The following TMTC2 variants were observed in gnomAD, a reference collection of about 807,000 sequenced individuals.
The protein encoded by TMTC2 is transmembrane O-mannosyltransferase targeting cadherins 2.
A neutral mutation model predicts 82.4 loss-of-function variants in TMTC2; 43 were observed. The ratio of observed to expected loss-of-function variants is 0.52; its 90% confidence interval spans 0.41 to 0.67. The LOEUF is 0.67. Ranked by LOEUF, TMTC2 falls within the 30% of genes least tolerant of loss-of-function variation. The probability of loss-of-function intolerance (pLI) is 0.00; values close to 1 mark genes in which losing one functional copy is unlikely to be tolerated. For synonymous variants in TMTC2, 408 were observed against 381.9 expected, an observed-to-expected ratio of 1.07 and a Z score of -0.80; for missense variants, 919 against 1,012.4, an observed-to-expected ratio of 0.91 and a Z score of 1.25.
At chr12:82,713,193 C>T (rs998761762) in intron 1 of TMTC2, among the ~76,000 whole-genome samples, 8 of 152,018 alleles carry the variant, frequency 5.3e-5, no homozygotes, top group East Asian at 3.9e-4. Context: ...TGGTGGCACA[C>T]GCCTGTAATC....
At position 82,844,598 on chromosome 12, in the gene TMTC2, G is replaced by A. The variant is rs183016999; in HGVS notation, c.84-12412G>A. Among the ~76,000 whole-genome samples, 256 of 151,438 alleles carry A rather than the reference G, an allele frequency of 1.7e-3. 1 individual carries two copies. Among genetic ancestry groups the A allele is most frequent in the African/African-American group, 6.0e-3 (249 of 41,310 alleles). Reference sequence around the variant, plus strand: ...GAGCAGATCACGAAGTCAGGAGATCGAGACCATCCTGGCTAACACAGAGGA... The same window carrying A: ...GAGCAGATCACGAAGTCAGGAGATCAAGACCATCCTGGCTAACACAGAGGA... On this transcript the variant is annotated intron_variant, in intron 1 of 11. Transcript: ENST00000321196.
chr12:83,050,823 G>A, intron 9 of TMTC2, 81 bp from the exon 10 acceptor site: 2 of 837,028 alleles, frequency 2.4e-6, no homozygotes, highest in Non-Finnish European at 1.9e-6. Flanking sequence ...CTTTACCACT[G>A]TACTTATTTT....
At chr12:82,939,994 T>C (rs909625772) in intron 4 of TMTC2, among the ~76,000 whole-genome samples, 3 of 151,332 alleles carry the variant, frequency 2.0e-5, no homozygotes, top group Non-Finnish European at 2.9e-5. Flanking sequence ...CAGATACATG[T>C]ATTTCTTTTT....
rs1157552312 is a variant in TMTC2, at chr12:82,859,576, A to T, written c.654+1996A>T. Among the ~76,000 whole-genome samples the T allele has an allele frequency of 5.3e-5, 8 of 152,222 alleles. 1 individual carries two copies. The highest frequency in any genetic ancestry group is 2.9e-5 in the Non-Finnish European group (2 of 68,044). On this transcript the variant is annotated intron_variant, in intron 2 of 11. Transcript: ENST00000321196. ...ATATTTGGGACATACTTATAATAGA[A>T]AATTAATCTTTGTTTCTCTGAAATT...
At chr12:82,958,516 G>A (rs540718463) in intron 4 of TMTC2, among the ~76,000 whole-genome samples, 1 of 152,130 alleles carries the variant, frequency 6.6e-6, no homozygotes, top group East Asian at 1.9e-4. Flanking sequence ...GGGATGCAAG[G>A]TTGGTTCAAC....
chr12:82,906,617 A>G (rs950970504), intron 3 of TMTC2, among the ~76,000 whole-genome samples: 1 of 152,130 alleles, frequency 6.6e-6, no homozygotes, highest in East Asian at 1.9e-4. Flanking sequence ...TGAACCCAGG[A>G]GGCGGAGGCT....
chr12:82,724,379 G>A (rs1049184242), intron 1 of TMTC2, among the ~76,000 whole-genome samples: 12 of 152,108 alleles, frequency 7.9e-5, no homozygotes, highest in Admixed American at 3.9e-4. Flanking sequence ...ATAACCCCCC[G>A]TGTTGAGGGA....
chr12:82,794,099 G>A (rs1038941606), intron 1 of TMTC2, among the ~76,000 whole-genome samples: 1 of 152,088 alleles, frequency 6.6e-6, no homozygotes, highest in East Asian at 1.9e-4. Context: ...TATTTGCCCA[G>A]GCTCTGTTGA....
intron 1 of TMTC2, among the ~76,000 whole-genome samples, chr12:82,847,370 C>T (rs149789992): frequency 3.2e-4 from 49 of 152,204 alleles, no homozygotes; most frequent in African/African-American, 1.0e-3. Flanking sequence ...TTTTCCAAAA[C>T]GGTAAATGCA....
At chr12:82,738,339 T>G (rs564084958) in intron 1 of TMTC2, among the ~76,000 whole-genome samples, 1 of 152,340 alleles carries the variant, frequency 6.6e-6, no homozygotes, top group South Asian at 2.1e-4. Context: ...AGCTACTTGA[T>G]CAGACCTCTT....
At chr12:82,734,931 G>A (rs1875007864) in intron 1 of TMTC2, among the ~76,000 whole-genome samples, 1 of 152,146 alleles carries the variant, frequency 6.6e-6, no homozygotes, top group African/African-American at 2.4e-5. Context: ...ATAATGAAAG[G>A]GTCTAACAAA....
chr12:82,846,248 C>T (rs533095119), intron 1 of TMTC2, among the ~76,000 whole-genome samples: 1 of 152,120 alleles, frequency 6.6e-6, no homozygotes, highest in South Asian at 2.1e-4. Flanking sequence ...GTCCCAGCTA[C>T]TTGGGAGGCT....
intron 1 of TMTC2, among the ~76,000 whole-genome samples, chr12:82,724,605 C>T (rs1874362168): frequency 6.6e-6 from 1 of 152,110 alleles, no homozygotes; most frequent in Admixed American, 6.5e-5. Flanking sequence ...AACTGTGAGT[C>T]AATTAAACTT....
chr12:82,772,328 G>A (rs1877353086), intron 1 of TMTC2, among the ~76,000 whole-genome samples: 1 of 152,192 alleles, frequency 6.6e-6, no homozygotes, highest in African/African-American at 2.4e-5. Context: ...TGCAGGATCT[G>A]GGACTGCTTT....
At chr12:83,105,452 G>A (rs973812403) in intron 11 of TMTC2, among the ~76,000 whole-genome samples, 39 of 152,272 alleles carry the variant, frequency 2.6e-4, no homozygotes, top group Middle Eastern at 3.4e-3. Context: ...GCATGGTGCC[G>A]GCATCTGCTC....
chr12:83,005,583 C>A (rs558315309), intron 8 of TMTC2, among the ~76,000 whole-genome samples: 2 of 152,300 alleles, frequency 1.3e-5, no homozygotes, highest in Admixed American at 1.3e-4. Flanking sequence ...AACCACAAAT[C>A]TCAGCTCTGC....
intron 1 of TMTC2, among the ~76,000 whole-genome samples, chr12:82,791,236 A>G (rs564226021): frequency 7.2e-5 from 11 of 152,212 alleles, no homozygotes; most frequent in South Asian, 4.1e-4. Context: ...TTTTACTGAT[A>G]TAGCTGTAGG....
chr12:82,879,506 C>T (rs1592596908), intron 2 of TMTC2, among the ~76,000 whole-genome samples: 1 of 152,204 alleles, frequency 6.6e-6, no homozygotes, highest in Admixed American at 6.5e-5. Context: ...GTGGTAATGC[C>T]TGCTCACCGC....
At chr12:82,860,417 G>A (rs1168190700) in intron 2 of TMTC2, among the ~76,000 whole-genome samples, 4 of 152,190 alleles carry the variant, frequency 2.6e-5, no homozygotes, top group Non-Finnish European at 4.4e-5. Flanking sequence ...ACTATCTGGT[G>A]ATATCTTTAC....
Sources: gnomAD v4.1 joint callset for allele counts (sites outside exome capture counted in the v4.1 genomes callset) on GRCh38, gnomAD v4.1.1 for gene constraint, MANE v1.5 for transcripts, NCBI Gene and HGNC (gene_info 2026-07-23, HGNC 2026-07-21) for gene names.